The following MAPK8 variants were observed in gnomAD, a reference collection of about 807,000 sequenced individuals.
MAPK8 encodes mitogen-activated protein kinase 8.
MAPK8 carries 13 observed loss-of-function variants against 52.9 expected under a neutral mutation model. The observed-to-expected ratio is 0.25, with a 90% CI of 0.16 to 0.39. MAPK8 has a LOEUF of 0.39. Ranked by LOEUF, MAPK8 falls within the 10% of genes least tolerant of loss-of-function variation. MAPK8 has a pLI of 1.00. For synonymous variants in MAPK8, 191 were observed against 169.8 expected (o/e 1.12, Z -0.97); for missense variants, 300 against 519.2 (o/e 0.58, Z 4.10).
At chr10:48,368,912 C>T (rs1848306113) in intron 1 of MAPK8, among the ~76,000 whole-genome samples, 1 of 152,176 alleles carries the variant, frequency 6.6e-6, no homozygotes, top group Non-Finnish European at 1.5e-5. Context: ...CTTCTCTTAA[C>T]TATACAGCTC....
At chr10:48,429,184 C>G (rs1015665589) in intron 10 of MAPK8, among the ~76,000 whole-genome samples, 3 of 152,018 alleles carry the variant, frequency 2.0e-5, no homozygotes, top group African/African-American at 4.8e-5. Context: ...GTCATAGACT[C>G]TTAATAGGCC....
intron 1 of MAPK8, among the ~76,000 whole-genome samples, chr10:48,373,932 C>T (rs1488406041): frequency 6.6e-6 from 1 of 152,128 alleles, no homozygotes; most frequent in Non-Finnish European, 1.5e-5. Flanking sequence ...CACCCCAAAT[C>T]AACAGAATAT....
intron 1 of MAPK8, among the ~76,000 whole-genome samples, chr10:48,334,199 T>C (rs1844435633): frequency 6.6e-6 from 1 of 152,182 alleles, no homozygotes; most frequent in Admixed American, 6.5e-5. Flanking sequence ...TCCAGAGGAA[T>C]GTCAGATGGA....
At chr10:48,431,377 T>A (rs1161281474) in intron 11 of MAPK8, 107 bp downstream of exon 11, 5 of 737,726 alleles carry the variant, frequency 6.8e-6, no homozygotes, top group Admixed American at 2.9e-5. Flanking sequence ...ATCATTATTA[T>A]TCCAGGCTTA....
In MAPK8 at chr10:48,310,353, G is replaced by T. The variant is rs79799135; in HGVS notation, c.-50+3532G>T. On this transcript the variant is annotated intron_variant, in intron 1 of 11. Coordinates refer to ENST00000374189, the MANE Select transcript of MAPK8 (RefSeq NM_001323329.2). ...TCAGAAGCCTAAGTTAAGAACAGTA[G>T]TCAAAGTTAGGATTTTGTAATTTTG... 6.5e-4 allele frequency among the ~76,000 whole-genome samples: 99 copies of T among 152,298 alleles called. 1 individual carries two copies. The East Asian group carries it at 0.017, about 27-fold the overall frequency.
intron 1 of MAPK8, among the ~76,000 whole-genome samples, chr10:48,359,255 A>G (rs1847301941): frequency 6.6e-6 from 1 of 152,022 alleles, no homozygotes; most frequent in Non-Finnish European, 1.5e-5. Flanking sequence ...AAGTGTGTAC[A>G]TTTTCTTCAG....
Position 48,427,027 on chromosome 10 carries a change from G to C in MAPK8, c.997-53G>C, listed in dbSNP as rs893162063. 3 of 1,337,658 alleles carry C rather than the reference G, an allele frequency of 2.2e-6. No individual in the cohort carries two copies. In the South Asian group the frequency reaches 3.5e-5, roughly 16 times the overall value. 82.9% of individuals were successfully genotyped at this position (1,337,658 alleles called of 1,614,324 possible). ...GGCTAATATTTCAAATAACTACAGA[G>C]TTAAAATACTCCCAGCATACTGACT... On this transcript the variant is annotated intron_variant, in intron 9 of 11. Coordinates refer to ENST00000374189, the MANE Select transcript of MAPK8 (RefSeq NM_001323329.2).
At chr10:48,409,767 A>T (rs2042651948) in intron 3 of MAPK8, 112 bp from the exon 4 acceptor site, 1 of 722,726 alleles carries the variant, frequency 1.4e-6, no homozygotes, top group African/African-American at 1.8e-5. Context: ...TTAGAATGTA[A>T]AGAAAGATTT....
chr10:48,346,251 T>C (rs547630495), intron 1 of MAPK8, among the ~76,000 whole-genome samples: 2 of 152,362 alleles, frequency 1.3e-5, no homozygotes, highest in East Asian at 1.9e-4. Flanking sequence ...ATGAATATCA[T>C]TAATCATTAG....
At chr10:48,367,517 T>C (rs1589089966) in intron 1 of MAPK8, among the ~76,000 whole-genome samples, 2 of 152,168 alleles carry the variant, frequency 1.3e-5, no homozygotes, top group African/African-American at 4.8e-5. Context: ...GTCTTTCTTT[T>C]AGATAGATTG....
At chr10:48,369,553 A>T (rs1004017659) in intron 1 of MAPK8, among the ~76,000 whole-genome samples, 1 of 152,160 alleles carries the variant, frequency 6.6e-6, no homozygotes, top group Non-Finnish European at 1.5e-5. Flanking sequence ...AAAGCTCAAT[A>T]GTAGATACAT....
chr10:48,321,236 C>T (rs1564476975), intron 1 of MAPK8, among the ~76,000 whole-genome samples: 1 of 151,672 alleles, frequency 6.6e-6, no homozygotes, highest in Non-Finnish European at 1.5e-5. Context: ...TAGCTAGGAC[C>T]ACAGGTGTGC....
intron 1 of MAPK8, among the ~76,000 whole-genome samples, chr10:48,329,005 T>C (rs1843824787): frequency 6.6e-6 from 1 of 152,232 alleles, no homozygotes; most frequent in Non-Finnish European, 1.5e-5. Flanking sequence ...TCTTTTACTT[T>C]TAACAAATAT....
At chr10:48,379,795 C>T (rs2040877812) in intron 1 of MAPK8, among the ~76,000 whole-genome samples, 1 of 152,032 alleles carries the variant, frequency 6.6e-6, no homozygotes, top group South Asian at 2.1e-4. Context: ...GAAATTTTTA[C>T]CTAGTCCAAT....
chr10:48,385,428 A>G (rs1160714356), intron 1 of MAPK8, among the ~76,000 whole-genome samples: 1 of 152,182 alleles, frequency 6.6e-6, no homozygotes, highest in Non-Finnish European at 1.5e-5. Flanking sequence ...ATTGCCTTCA[A>G]ATGGTTTCAG....
At chr10:48,361,162 C>T (rs1340826815) in intron 1 of MAPK8, among the ~76,000 whole-genome samples, 2 of 152,130 alleles carry the variant, frequency 1.3e-5, no homozygotes, top group Non-Finnish European at 2.9e-5. Context: ...TATCGAGGAA[C>T]GTGACCCACT....
intron 1 of MAPK8, among the ~76,000 whole-genome samples, chr10:48,357,783 C>G (rs897791219): frequency 6.6e-6 from 1 of 152,122 alleles, no homozygotes; most frequent in Non-Finnish European, 1.5e-5. Flanking sequence ...GTTGTGCATC[C>G]GTCACCACTG....
At chr10:48,314,515 T>C (rs1252876361) in intron 1 of MAPK8, among the ~76,000 whole-genome samples, 2 of 152,228 alleles carry the variant, frequency 1.3e-5, no homozygotes, top group African/African-American at 4.8e-5. Context: ...GATTACCTTG[T>C]GCATACGTCG....
intron 10 of MAPK8, among the ~76,000 whole-genome samples, chr10:48,427,986 G>T (rs1486552378): frequency 6.6e-6 from 1 of 152,108 alleles, no homozygotes; most frequent in Non-Finnish European, 1.5e-5. Flanking sequence ...ATGAGAACAT[G>T]CCTGGAAGAA....
Sources: gnomAD v4.1 joint callset for allele counts (sites outside exome capture counted in the v4.1 genomes callset) on GRCh38, gnomAD v4.1.1 for gene constraint, MANE v1.5 for transcripts, NCBI Gene and HGNC (gene_info 2026-07-23, HGNC 2026-07-21) for gene names.